The following CRYL1 variants were observed in gnomAD, a reference collection of about 807,000 sequenced individuals.
CRYL1 encodes lambda-crystallin homolog.
A neutral mutation model predicts 36.6 loss-of-function variants in CRYL1; 29 were observed. The observed-to-expected ratio is 0.79, with a 90% confidence interval of 0.59 to 1.08. The LOEUF is 1.08. Ranked by LOEUF, CRYL1 falls within the 50% of genes least tolerant of loss-of-function variation. CRYL1 has a pLI of 0.00. For synonymous variants in CRYL1, 152 were observed against 151.5 expected (o/e 1.00, Z -0.02); for missense variants, 411 against 407.9 (o/e 1.01, Z -0.06).
At chr13:20,458,890 G>T (rs1412234108) in intron 3 of CRYL1, among the ~76,000 whole-genome samples, 1 of 152,080 alleles carries the variant, frequency 6.6e-6, no homozygotes, top group Non-Finnish European at 1.5e-5. Context: ...ATTCAATTGT[G>T]CCCTTTTAAA....
chr13:20,506,502 T>C (rs955124889), intron 2 of CRYL1, among the ~76,000 whole-genome samples: 6 of 152,024 alleles, frequency 3.9e-5, no homozygotes, highest in Middle Eastern at 3.4e-3. Flanking sequence ...TTAAGCATAG[T>C]AGGATAACAG....
intron 6 of CRYL1, among the ~76,000 whole-genome samples, chr13:20,406,380 G>A (rs925149814): frequency 1.3e-5 from 2 of 152,188 alleles, no homozygotes; most frequent in Admixed American, 6.5e-5. Context: ...CTCTCTCAGT[G>A]TGTTAAAATT....
rs1593449442 is a variant in CRYL1 at position 20,445,847 on chromosome 13, A to C, written c.277-6093T>G. ...CTGGCTTATCATAAGAGAATCAAGG[A>C]ATTTCCTGGCATGGTTGTTGGGTTT... is the stretch of plus-strand genomic sequence containing the variant. On this transcript the variant is annotated intron_variant, in intron 3 of 7. Transcript: ENST00000298248. Among the ~76,000 whole-genome samples, 3 of 152,360 alleles carry C rather than the reference A, an allele frequency of 2.0e-5. No individual in the cohort carries two copies. In the South Asian group the frequency reaches 6.2e-4, roughly 32 times the overall value.
intron 3 of CRYL1, among the ~76,000 whole-genome samples, chr13:20,455,870 T>G (rs1221528853): frequency 6.6e-6 from 1 of 152,220 alleles, no homozygotes; most frequent in Non-Finnish European, 1.5e-5. Flanking sequence ...GAAAGTAATA[T>G]GGGCACATAC....
intron 2 of CRYL1, among the ~76,000 whole-genome samples, chr13:20,504,804 C>CT (rs2033764275): frequency 6.6e-6 from 1 of 152,156 alleles, no homozygotes; most frequent in African/African-American, 2.4e-5. Context: ...CAGATGACAG[C>CT]TTTTTGTTTT....
chr13:20,442,309 T>C (rs1340458172), intron 3 of CRYL1, among the ~76,000 whole-genome samples: 1 of 152,244 alleles, frequency 6.6e-6, no homozygotes, highest in Non-Finnish European at 1.5e-5. Flanking sequence ...GCTTGAAGTT[T>C]TGTTGCTGTA....
chr13:20,453,445 C>CTAATATATTTGAATATTTTGAAATATTA (rs2032615184), intron 3 of CRYL1, among the ~76,000 whole-genome samples: 1 of 140,638 alleles, frequency 7.1e-6, no homozygotes, highest in Non-Finnish European at 1.5e-5. Context: ...TTGAAATATT[C>CTAATATATTTGAATATTTTGAAATATTA]TAATATATTT....
intron 5 of CRYL1, among the ~76,000 whole-genome samples, chr13:20,423,063 C>T (rs1443802505): frequency 6.6e-6 from 1 of 152,070 alleles, no homozygotes; most frequent in African/African-American, 2.4e-5. Flanking sequence ...GAATTGTTTT[C>T]TTGATTTCTT....
intron 3 of CRYL1, among the ~76,000 whole-genome samples, chr13:20,453,939 G>A (rs1359468503): frequency 6.6e-6 from 1 of 152,080 alleles, no homozygotes; most frequent in Non-Finnish European, 1.5e-5. Context: ...GACACAAACT[G>A]CCAAAACTCA....
At chr13:20,472,183 T>A (rs1272429393) in intron 3 of CRYL1, among the ~76,000 whole-genome samples, 1 of 152,124 alleles carries the variant, frequency 6.6e-6, no homozygotes, top group African/African-American at 2.4e-5. Context: ...TTTTAAAAAA[T>A]GGCCTAGTAT....
chr13:20,510,190 C>A (rs1372721856), intron 2 of CRYL1, among the ~76,000 whole-genome samples: 2 of 152,142 alleles, frequency 1.3e-5, no homozygotes, highest in Non-Finnish European at 2.9e-5. Context: ...AAACTTATGT[C>A]CATACAAAAA....
intron 1 of CRYL1, among the ~76,000 whole-genome samples, chr13:20,516,800 C>T (rs1464095838): frequency 2.0e-5 from 3 of 152,050 alleles, no homozygotes; most frequent in Non-Finnish European, 4.4e-5. Context: ...TTTGAACAGG[C>T]CTGGCTCACA....
chr13:20,466,331 T>A (rs2032931628), intron 3 of CRYL1, among the ~76,000 whole-genome samples: 3 of 152,122 alleles, frequency 2.0e-5, no homozygotes, highest in South Asian at 4.1e-4. Flanking sequence ...ATTGAAAAAA[T>A]TTTTAAGTAT....
intron 2 of CRYL1, among the ~76,000 whole-genome samples, chr13:20,510,605 G>A (rs1250979825): frequency 9.2e-6 from 1 of 108,968 alleles, no homozygotes; most frequent in African/African-American, 3.6e-5. Context: ...TAAACACCAA[G>A]TGAATCTTTT....
chr13:20,477,967 G>T lies in CRYL1; in HGVS notation c.276+11403C>A, dbSNP rs555785106. ...TATCATTTTATAATATATATATTAC[G>T]TAGTTATATATATATATATGTATAT... On this transcript the variant is annotated intron_variant, in intron 3 of 7. Coordinates refer to ENST00000298248, the MANE Select transcript of CRYL1 (RefSeq NM_015974.3). Among the ~76,000 whole-genome samples, 4 of 134,902 alleles carry T rather than the reference G, an allele frequency of 3.0e-5. No homozygotes were observed. In the East Asian group the frequency reaches 8.2e-4, roughly 28 times the overall value. The allele number at this position is 134,902 out of a possible 152,430, so 88.5% of individuals were successfully genotyped here. A position where few individuals can be genotyped will look rare whatever the true frequency, so the allele number is the denominator to read the frequency against.
In CRYL1 at chr13:20,435,468, G is replaced by A. The variant is rs559299153; in HGVS notation, c.439-3172C>T. On this transcript the variant is annotated intron_variant, in intron 4 of 7. Coordinates refer to ENST00000298248, the MANE Select transcript of CRYL1 (RefSeq NM_015974.3). The surrounding 1 kb of genome is among the most constrained non-coding windows in gnomAD (Gnocchi z 4.0). The stretch of plus-strand genomic sequence containing the variant: ...CGCAAAAGGACCTTCGAGGTCTCCC[G>A]GCTGGGAAACAGTCTCCCTAACCAC... Among the ~76,000 whole-genome samples the A allele has an allele frequency of 7.9e-5, 12 of 152,242 alleles. No homozygotes were observed. Among genetic ancestry groups the A allele is most frequent in the African/African-American group, 2.4e-4 (10 of 41,554 alleles).
intron 1 of CRYL1, among the ~76,000 whole-genome samples, chr13:20,518,701 C>T (rs1414523999): frequency 6.6e-6 from 1 of 152,102 alleles, no homozygotes; most frequent in Non-Finnish European, 1.5e-5. Context: ...AGTCAGGAGA[C>T]CAGCTGGGTG....
intron 7 of CRYL1, 68 bp from the exon 8 acceptor site, chr13:20,404,310 C>T (rs2031307806): frequency 9.1e-7 from 1 of 1,094,652 alleles, no homozygotes; most frequent in Non-Finnish European, 1.4e-6. Context: ...GTAATTATTG[C>T]TCTTGTTTAT....
chr13:20,486,491 G>A (rs1427535277), intron 3 of CRYL1, among the ~76,000 whole-genome samples: 8 of 102,526 alleles, frequency 7.8e-5, no homozygotes, highest in African/African-American at 3.1e-4. Flanking sequence ...CTTGTCAAAA[G>A]TCAAGACAAG....
Sources: gnomAD v4.1 joint callset for allele counts (sites outside exome capture counted in the v4.1 genomes callset) on GRCh38, gnomAD v4.1.1 for gene constraint, Gnocchi (gnomAD v3.1) non-coding constraint, MANE v1.5 for transcripts, NCBI Gene and HGNC (gene_info 2026-07-23, HGNC 2026-07-21) for gene names.